Variants in DPP4 observed in about 807,000 individuals in gnomAD.
DPP4 encodes dipeptidyl peptidase 4.
A neutral mutation model predicts 122.4 loss-of-function variants in DPP4; 93 were observed. That is an observed-to-expected ratio of 0.76 (90% CI 0.64 to 0.90). The LOEUF (loss-of-function observed/expected upper bound fraction) is 0.90, where lower values mean the gene tolerates loss of function less well. DPP4 is among the 40% of genes least tolerant of loss of function. DPP4 has a pLI of 0.00. For synonymous variants in DPP4, 321 were observed against 302.9 expected (o/e 1.06, Z -0.62); for missense variants, 914 against 907.3 (o/e 1.01, Z -0.09).
intron 2 of DPP4, among the ~76,000 whole-genome samples, chr2:162,061,102 A>G (rs1684758472): frequency 6.6e-6 from 1 of 150,486 alleles, no homozygotes; most frequent in Non-Finnish European, 1.5e-5. Context: ...CAATGGCACT[A>G]TCATGGCTCA....
chr2:162,073,473 A>T lies in DPP4; in HGVS notation c.20T>A (p.Val7Asp). The change falls in exon 2 of 26, where the codon GTT (valine) becomes GAT (aspartate). Residue 7 changes from valine (V) to aspartate (D), a missense_variant. Val to Asp is a radical substitution (Grantham distance 152). Coordinates refer to ENST00000360534, the MANE Select transcript of DPP4 (RefSeq NM_001935.4). ...AGCAGCACCCAGCAGTCCCAGAAGAACCTTCCACGGTGTCTGCAAGCCGAG... is the reference window on the plus strand; with the variant it reads ...AGCAGCACCCAGCAGTCCCAGAAGATCCTTCCACGGTGTCTGCAAGCCGAG... MKTPWKVLLGLLGAAAL... is the reference protein window; with the variant it reads MKTPWKDLLGLLGAAAL... 1 of 1,613,930 alleles carries T rather than the reference A, an allele frequency of 6.2e-7. No homozygotes were observed. The highest frequency in any genetic ancestry group is 8.5e-7 in the Non-Finnish European group (1 of 1,180,018).
rs2106089837 is a variant in DPP4, at chr2:162,011,821, CAAA to C, written c.1801_1803del (p.Phe601del). 6.2e-7 allele frequency: 1 copy of C among 1,613,572 alleles called. No individual in the cohort carries two copies. The highest frequency in any genetic ancestry group is 2.2e-5 in the East Asian group (1 of 44,868). ...GCTGCTTCAATTTGATCTTCAACTT[CAAA>C]TGTTCCCAGTCTTCTGTTGATTGCA... On this transcript the variant is annotated inframe_deletion, in exon 20 of 26. Coordinates refer to ENST00000360534, the MANE Select transcript of DPP4 (RefSeq NM_001935.4).
At chr2:162,051,410 A>G (rs1257741274) in intron 2 of DPP4, among the ~76,000 whole-genome samples, 2 of 152,218 alleles carry the variant, frequency 1.3e-5, no homozygotes, top group African/African-American at 4.8e-5. Flanking sequence ...TTTTGTCTGT[A>G]CTAAATTGAC....
At position 162,017,174 on chromosome 2, in the gene DPP4, A is replaced by G. The variant is rs1398935317; in HGVS notation, c.1421-19T>C. ...CCAGGACCTGTTAACACAATGGGGGAAAAATGTTTTGGATGAATACTTTTT... is the reference window on the plus strand; with the variant it reads ...CCAGGACCTGTTAACACAATGGGGGGAAAATGTTTTGGATGAATACTTTTT... On this transcript the variant is annotated intron_variant, in intron 16 of 25. Transcript: ENST00000360534. 4 of 1,605,554 alleles carry G rather than the reference A, an allele frequency of 2.5e-6. No homozygotes were observed. Among genetic ancestry groups the G allele is most frequent in the East Asian group, 4.5e-5 (2 of 44,818 alleles).
intron 22 of DPP4, 92 bp downstream of exon 22, chr2:162,008,470 A>G (rs1701339167): frequency 2.7e-6 from 3 of 1,092,430 alleles, no homozygotes; most frequent in Non-Finnish European, 4.2e-6. Context: ...TATTCGCTGT[A>G]AAAACACTGA....
rs147358857 is a variant in DPP4, at chr2:162,033,410, A to G, written c.887+131T>C. 9.3e-4 allele frequency: 563 copies of G among 607,432 alleles called. 5 individuals are homozygous for G. In the African/African-American group the frequency reaches 9.8e-3, roughly 11 times the overall value. The allele number at this position is 607,432 out of a possible 1,614,324, so 37.6% of individuals were successfully genotyped here. A position where few individuals can be genotyped will look rare whatever the true frequency, so the allele number is the denominator to read the frequency against. On this transcript the variant is annotated intron_variant, in intron 10 of 25. Transcript: ENST00000360534. ...TGCTCAACAAAGAGTTGCTGAAGGA[A>G]AGAATGAATGACTGTCAGCGGGGAT...
intron 20 of DPP4, 148 bp from the exon 21 acceptor site, chr2:162,009,443 A>C: frequency 1.5e-6 from 1 of 657,492 alleles, no homozygotes. Flanking sequence ...TAAACACCTG[A>C]GATAAATATC....
intron 22 of DPP4, among the ~76,000 whole-genome samples, chr2:162,008,346 A>AT (rs1484855984): frequency 6.6e-6 from 1 of 152,202 alleles, no homozygotes; most frequent in East Asian, 1.9e-4. Context: ...GAATTTGTTG[A>AT]TAAAAAATCA....
intron 2 of DPP4, among the ~76,000 whole-genome samples, chr2:162,062,069 G>T (rs935590383): frequency 8.7e-5 from 13 of 148,706 alleles, no homozygotes; most frequent in African/African-American, 3.0e-4. Context: ...AGGAGTATGA[G>T]ACCAGCCTGG....
intron 23 of DPP4, among the ~76,000 whole-genome samples, chr2:161,999,853 A>T (rs1229163474): frequency 6.6e-6 from 1 of 152,282 alleles, no homozygotes; most frequent in Middle Eastern, 3.4e-3. Flanking sequence ...AGCTTCCTTC[A>T]TGGCAGGCAC....
chr2:162,000,423 C>T (rs1167872714), intron 23 of DPP4, among the ~76,000 whole-genome samples: 2 of 152,140 alleles, frequency 1.3e-5, no homozygotes, highest in Non-Finnish European at 2.9e-5. Context: ...TCAGGCCTCA[C>T]CAAGCAACAC....
chr2:162,012,417 G>A (rs550283963), intron 19 of DPP4, among the ~76,000 whole-genome samples: 1 of 152,110 alleles, frequency 6.6e-6, no homozygotes, highest in South Asian at 2.1e-4. Flanking sequence ...CCTTCTTTAA[G>A]GACTTTGACT....
intron 10 of DPP4, among the ~76,000 whole-genome samples, chr2:162,025,690 A>T (rs1683301389): frequency 7.9e-5 from 12 of 152,086 alleles, no homozygotes; most frequent in Admixed American, 7.9e-4. Context: ...CCCTCACATT[A>T]TTGGCAATGG....
intron 19 of DPP4, among the ~76,000 whole-genome samples, chr2:162,013,434 G>A (rs1257002655): frequency 6.6e-6 from 1 of 152,102 alleles, no homozygotes; most frequent in East Asian, 1.9e-4. Context: ...TCCTTTCTTT[G>A]TGCTTTTATG....
intron 25 of DPP4, 115 bp from the exon 26 acceptor site, chr2:161,993,499 T>C (rs994457544): frequency 5.7e-6 from 4 of 705,194 alleles, no homozygotes; most frequent in Admixed American, 5.0e-5. Flanking sequence ...ACAGAGTGTT[T>C]TAATTCCTGA....
intron 23 of DPP4, among the ~76,000 whole-genome samples, chr2:161,999,422 A>T (rs548586285): frequency 6.6e-6 from 1 of 152,354 alleles, no homozygotes; most frequent in African/African-American, 2.4e-5. Context: ...GTCTATCACC[A>T]ACTACTAAAA....
rs117046454 is a variant in DPP4, at chr2:162,030,220, G to A, written c.887+3321C>T. Reference sequence around the variant, plus strand: ...CATTATGAACAACGAACACAAAATAGCATCATAACAAATCTAATCAACTTT... The same window carrying A: ...CATTATGAACAACGAACACAAAATAACATCATAACAAATCTAATCAACTTT... On this transcript the variant is annotated intron_variant, in intron 10 of 25. Transcript: ENST00000360534. Among the ~76,000 whole-genome samples the A allele has an allele frequency of 1.1e-3, 165 of 152,270 alleles. 3 individuals carry two copies. The East Asian group carries it at 0.031, about 29-fold the overall frequency.
At chr2:162,033,708 T>A in intron 9 of DPP4, 55 bp from the exon 10 acceptor site, 1 of 1,176,852 alleles carries the variant, frequency 8.5e-7, no homozygotes. Context: ...AGTAACATCG[T>A]TGCACACATT....
chr2:162,070,419 A>G (rs76961472), intron 2 of DPP4, among the ~76,000 whole-genome samples: 2,658 of 151,690 alleles, frequency 0.018, 39 homozygotes, highest in South Asian at 0.038. Flanking sequence ...TCTTAAATCA[A>G]CCTCTCAGGG....
Sources: allele counts gnomAD v4.1 joint callset (sites outside exome capture counted in the v4.1 genomes callset), GRCh38; gene constraint gnomAD v4.1.1; transcripts MANE v1.5; gene names NCBI Gene and HGNC (gene_info 2026-07-23, HGNC 2026-07-21).